Variants in FERRY3 observed in about 807,000 individuals in gnomAD.
The protein encoded by FERRY3 is protein C12orf4.
chr12:4,533,671 CACA>C, the FERRY3 span, among the ~76,000 whole-genome samples: 1 of 152,100 alleles, frequency 6.6e-6, no homozygotes, highest in Non-Finnish European at 1.5e-5. Flanking sequence ...GATGTGACTA[CACA>C]ACAATAATGA....
At chr12:4,499,794 A>G in the FERRY3 span, among the ~76,000 whole-genome samples, 2 of 152,134 alleles carry the variant, frequency 1.3e-5, no homozygotes, top group African/African-American at 2.4e-5. Flanking sequence ...CAAAAAGAAG[A>G]AAGAGGGGTA....
the FERRY3 span, among the ~76,000 whole-genome samples, chr12:4,492,370 C>T: frequency 6.6e-6 from 1 of 152,202 alleles, no homozygotes. Flanking sequence ...TTCTGAAAAA[C>T]TCACTGGACA....
chr12:4,537,895 A>G, the FERRY3 span, among the ~76,000 whole-genome samples: 1 of 152,212 alleles, frequency 6.6e-6, no homozygotes, highest in Non-Finnish European at 1.5e-5. Context: ...GAATGCTCAT[A>G]TAAGTTTTAT....
At chr12:4,530,394 T>C in the FERRY3 span, among the ~76,000 whole-genome samples, 1 of 152,178 alleles carries the variant, frequency 6.6e-6, no homozygotes. Context: ...ATCAACAAAA[T>C]GCTAATGGTG....
the FERRY3 span, among the ~76,000 whole-genome samples, chr12:4,493,868 G>A: frequency 3.3e-5 from 5 of 152,218 alleles, no homozygotes; most frequent in Admixed American, 1.3e-4. Context: ...CGAGGCAGGC[G>A]GATCATCTGA....
the FERRY3 span, chr12:4,538,395 G>T: frequency 6.5e-6 from 1 of 154,632 alleles, no homozygotes; most frequent in Non-Finnish European, 1.4e-5. Flanking sequence ...ATCCTCACTC[G>T]GTTCTGGGCT....
chr12:4,496,627 T>G, the FERRY3 span, among the ~76,000 whole-genome samples: 4 of 152,184 alleles, frequency 2.6e-5, no homozygotes, highest in African/African-American at 9.7e-5. Flanking sequence ...GAAATCTCAG[T>G]TCTGACTATA....
the FERRY3 span, among the ~76,000 whole-genome samples, chr12:4,505,780 T>C: frequency 1.3e-5 from 2 of 152,230 alleles, no homozygotes; most frequent in Non-Finnish European, 2.9e-5. Flanking sequence ...GTTAACCACA[T>C]ATAAAATAAC....
the FERRY3 span, among the ~76,000 whole-genome samples, chr12:4,506,315 C>T: frequency 0.89 from 136,153 of 152,156 alleles, 61,017 homozygotes; most frequent in East Asian, 0.98. Context: ...AACAAGTAAA[C>T]AGCAAATATC....
chr12:4,528,896 TACACACACACACACACACACACACAC>T, the FERRY3 span, among the ~76,000 whole-genome samples: 14 of 131,616 alleles, frequency 1.1e-4, no homozygotes, highest in East Asian at 2.1e-4. Context: ...TTAAATCAGT[TACACACACACACACACACACACACAC>T]ACACACACAC....
chr12:4,510,288 T>C, the FERRY3 span, among the ~76,000 whole-genome samples: 41 of 144,102 alleles, frequency 2.8e-4, no homozygotes, highest in South Asian at 6.6e-4. Flanking sequence ...CTGAAAGTGA[T>C]GGGGAGAATG....
At chr12:4,500,109 A>G in the FERRY3 span, 1 of 1,569,394 alleles carries the variant, frequency 6.4e-7, no homozygotes, top group South Asian at 1.1e-5. Context: ...TGTAAATCAT[A>G]AAATTACAGG....
At chr12:4,517,684 A>AATATATATATATATATAT in the FERRY3 span, among the ~76,000 whole-genome samples, 10 of 140,554 alleles carry the variant, frequency 7.1e-5, no homozygotes, top group African/African-American at 2.4e-4. Flanking sequence ...AGGTTATTAA[A>AATATATATATATATATAT]ATATATATAT....
the FERRY3 span, among the ~76,000 whole-genome samples, chr12:4,531,452 T>C: frequency 5.0e-3 from 754 of 152,302 alleles, 12 homozygotes; most frequent in African/African-American, 0.017. Flanking sequence ...GCAGCATTAA[T>C]TTTAAACTCA....
chr12:4,509,970 C>G, the FERRY3 span, among the ~76,000 whole-genome samples: 1 of 137,518 alleles, frequency 7.3e-6, no homozygotes, highest in Non-Finnish European at 1.5e-5. Flanking sequence ...ACATTCAAAC[C>G]AAAGGCAAAG....
At chr12:4,502,634 C>A in the FERRY3 span, among the ~76,000 whole-genome samples, 1 of 152,218 alleles carries the variant, frequency 6.6e-6, no homozygotes, top group Non-Finnish European at 1.5e-5. The surrounding 1 kb of genome is among the most constrained non-coding windows in gnomAD (Gnocchi z 4.2). Context: ...AAATTCTGCT[C>A]GCCCTTGCAG....
the FERRY3 span, among the ~76,000 whole-genome samples, chr12:4,523,538 A>G: frequency 6.6e-6 from 1 of 152,220 alleles, no homozygotes; most frequent in Non-Finnish European, 1.5e-5. Context: ...TATTCACCAT[A>G]GCAAAGACTT....
At chr12:4,522,285 C>T in the FERRY3 span, among the ~76,000 whole-genome samples, 11 of 152,230 alleles carry the variant, frequency 7.2e-5, no homozygotes, top group East Asian at 2.1e-3. Flanking sequence ...CTGACTGACA[C>T]TATTAAGAAA....
chr12:4,536,609 G>A, the FERRY3 span, among the ~76,000 whole-genome samples: 1 of 152,098 alleles, frequency 6.6e-6, no homozygotes, highest in East Asian at 1.9e-4. Context: ...AGCAGATCAG[G>A]GACCAAGGAG....
Sources: allele counts gnomAD v4.1 joint callset (sites outside exome capture counted in the v4.1 genomes callset), GRCh38; gene constraint gnomAD v4.1.1; non-coding constraint Gnocchi (gnomAD v3.1); transcripts MANE v1.5; gene names NCBI Gene and HGNC (gene_info 2026-07-23, HGNC 2026-07-21).